GLRA1: variants seen among roughly 807,000 people sequenced by gnomAD.
GLRA1 encodes the protein glycine receptor alpha 1.
GLRA1 carries 37 observed loss-of-function variants against 48.3 expected under a neutral mutation model. The observed-to-expected ratio is 0.77, with a 90% confidence interval of 0.59 to 1.01. GLRA1 has a LOEUF of 1.01. Ranked by LOEUF, GLRA1 falls within the 50% of genes least tolerant of loss-of-function variation. The pLI is 0.00. For synonymous variants in GLRA1, 196 were observed against 210.7 expected, an observed-to-expected ratio of 0.93 and a Z score of 0.60; for missense variants, 427 against 571.0, an observed-to-expected ratio of 0.75 and a Z score of 2.57.
intron 3 of GLRA1, among the ~76,000 whole-genome samples, chr5:151,860,981 G>T (rs1043475426): frequency 1.3e-5 from 2 of 152,102 alleles, no homozygotes; most frequent in East Asian, 1.9e-4. Flanking sequence ...GCGGTGTTTG[G>T]TTTTTTGTCC....
chr5:151,918,920 A>C (rs867694665), intron 1 of GLRA1, among the ~76,000 whole-genome samples: 3 of 152,144 alleles, frequency 2.0e-5, no homozygotes, highest in Admixed American at 6.5e-5. Flanking sequence ...CTATGAATTT[A>C]CTCTGATTCT....
chr5:151,878,026 A>G (rs1233547211), intron 3 of GLRA1, among the ~76,000 whole-genome samples: 3 of 152,190 alleles, frequency 2.0e-5, no homozygotes, highest in Non-Finnish European at 1.5e-5. Context: ...AGAGGTTGGG[A>G]CGGTTTGGAG....
intron 7 of GLRA1, chr5:151,850,857 C>T (rs1752886748): frequency 1.5e-6 from 1 of 674,214 alleles, no homozygotes; most frequent in South Asian, 1.6e-5. Flanking sequence ...ACTCTTCCCC[C>T]TCTCCCAATT....
Position 151,852,118 on chromosome 5 carries a change from T to G in GLRA1, c.698-514A>C, listed in dbSNP as rs183022148. Among the ~76,000 whole-genome samples, 17 of 152,308 alleles carry G rather than the reference T, an allele frequency of 1.1e-4. No homozygotes were observed. The East Asian group carries it at 3.3e-3, about 29-fold the overall frequency. ...AGGAAAAAGTTTAAACTCTTTAGCCTGCCCTTTATAATCAAGCTCTAACCA... is the reference window on the plus strand; with the variant it reads ...AGGAAAAAGTTTAAACTCTTTAGCCGGCCCTTTATAATCAAGCTCTAACCA... On this transcript the variant is annotated intron_variant, in intron 6 of 8. Coordinates refer to ENST00000274576, the MANE Select transcript of GLRA1 (RefSeq NM_000171.4).
At chr5:151,835,027 C>CA (rs60718344) in intron 7 of GLRA1, among the ~76,000 whole-genome samples, 836 of 52,302 alleles carry the variant, frequency 0.016, 28 homozygotes, top group African/African-American at 0.043. Flanking sequence ...GACAACATCT[C>CA]AAAAAAAAAA....
intron 3 of GLRA1, among the ~76,000 whole-genome samples, chr5:151,861,859 G>T (rs538589433): frequency 7.2e-5 from 11 of 152,230 alleles, no homozygotes; most frequent in African/African-American, 2.2e-4. Flanking sequence ...TACTGCCCAA[G>T]GTAATTTATA....
chr5:151,884,288 G>A (rs1302951219), intron 3 of GLRA1, among the ~76,000 whole-genome samples: 2 of 152,062 alleles, frequency 1.3e-5, no homozygotes, highest in East Asian at 3.9e-4. Context: ...AATTAGCTGG[G>A]CCTGGTGGTG....
chr5:151,900,180 A>G (rs1257182327), intron 1 of GLRA1, among the ~76,000 whole-genome samples: 1 of 152,100 alleles, frequency 6.6e-6, no homozygotes, highest in Admixed American at 6.5e-5. Context: ...ACCTAGTAAA[A>G]TTTAAGGAGG....
At chr5:151,884,427 TCAAAA>T (rs70976031) in intron 3 of GLRA1, among the ~76,000 whole-genome samples, 4 of 148,824 alleles carry the variant, frequency 2.7e-5, no homozygotes, top group South Asian at 4.3e-4. Flanking sequence ...AAACTCTGTC[TCAAAA>T]CAAAACAAAA....
At chr5:151,860,230 A>T (rs1428456163) in intron 3 of GLRA1, among the ~76,000 whole-genome samples, 1 of 152,204 alleles carries the variant, frequency 6.6e-6, no homozygotes, top group African/African-American at 2.4e-5. Flanking sequence ...GGTATATTCA[A>T]CCCTGAACTG....
At chr5:151,907,580 A>G (rs182559668) in intron 1 of GLRA1, among the ~76,000 whole-genome samples, 207 of 152,364 alleles carry the variant, frequency 1.4e-3, no homozygotes, top group Middle Eastern at 6.8e-3. Context: ...TATGGATCAA[A>G]TATCAGATGG....
chr5:151,850,349 G>A, intron 7 of GLRA1: 1 of 1,453,806 alleles, frequency 6.9e-7, no homozygotes, highest in Non-Finnish European at 9.7e-7. Flanking sequence ...GTTTCATTTT[G>A]CATCATGTAT....
At chr5:151,896,840 A>G (rs1186485934) in intron 1 of GLRA1, among the ~76,000 whole-genome samples, 2 of 152,222 alleles carry the variant, frequency 1.3e-5, no homozygotes, top group African/African-American at 2.4e-5. Flanking sequence ...GAGAACCATA[A>G]TAGCAAATAC....
intron 4 of GLRA1, among the ~76,000 whole-genome samples, chr5:151,858,632 C>A (rs1013019679): frequency 3.3e-4 from 50 of 152,220 alleles, no homozygotes; most frequent in African/African-American, 1.2e-3. Flanking sequence ...TTCCTCCAAG[C>A]CTGCTCTTGA....
At chr5:151,890,122 A>G (rs1370886086) in intron 2 of GLRA1, among the ~76,000 whole-genome samples, 1 of 152,150 alleles carries the variant, frequency 6.6e-6, no homozygotes, top group Non-Finnish European at 1.5e-5. Context: ...TAAATAAATC[A>G]CTATTATTAG....
At chr5:151,914,580 A>C (rs113037040) in intron 1 of GLRA1, among the ~76,000 whole-genome samples, 3 of 152,290 alleles carry the variant, frequency 2.0e-5, no homozygotes, top group African/African-American at 7.2e-5. Context: ...GCCAGAGACT[A>C]TGCTGCCCTT....
At chr5:151,895,600 C>G (rs1754208187) in intron 1 of GLRA1, among the ~76,000 whole-genome samples, 1 of 150,452 alleles carries the variant, frequency 6.6e-6, no homozygotes. Flanking sequence ...CATTGTTTTT[C>G]TCTTGCAGCA....
At chr5:151,827,027 C>CTTTTTTTTTTTTTTTTTTTTT (rs1581595767) in intron 8 of GLRA1, among the ~76,000 whole-genome samples, 1 of 100,190 alleles carries the variant, frequency 1.0e-5, no homozygotes, top group African/African-American at 3.6e-5. Flanking sequence ...TTCTTTCTTT[C>CTTTTTTTTTTTTTTTTTTTTT]TGTTTTTTTT....
intron 7 of GLRA1, among the ~76,000 whole-genome samples, chr5:151,846,805 A>T (rs1411483783): frequency 6.6e-6 from 1 of 152,198 alleles, no homozygotes; most frequent in Non-Finnish European, 1.5e-5. Flanking sequence ...ATTTAAATAA[A>T]GTTTCTGTAT....
Sources: gnomAD v4.1 joint callset for allele counts (sites outside exome capture counted in the v4.1 genomes callset) on GRCh38, gnomAD v4.1.1 for gene constraint, MANE v1.5 for transcripts, NCBI Gene and HGNC (gene_info 2026-07-23, HGNC 2026-07-21) for gene names.